Variants in SCD5 observed in about 807,000 individuals in gnomAD.
The protein encoded by SCD5 is stearoyl-CoA desaturase 5, also known as acyl-CoA-desaturase 4.
In SCD5, 20 loss-of-function variants were observed where a neutral mutation model predicts 30.4. The observed-to-expected ratio is 0.66, with a 90% CI of 0.46 to 0.96. SCD5 has a LOEUF of 0.96. Ranked by LOEUF, SCD5 falls within the 40% of genes least tolerant of loss-of-function variation. The probability of loss-of-function intolerance (pLI) is 0.00; values close to 1 mark genes in which losing one functional copy is unlikely to be tolerated. For missense variants in SCD5, 381 were observed against 443.3 expected (o/e 0.86, Z 1.26); for synonymous variants, 173 against 176.4 (o/e 0.98, Z 0.16).
chr4:82,673,329 C>T (rs1367294871), intron 3 of SCD5, among the ~76,000 whole-genome samples: 2 of 152,080 alleles, frequency 1.3e-5, no homozygotes, highest in Non-Finnish European at 2.9e-5. Flanking sequence ...TTGCCAGATA[C>T]AAGGTTAATA....
At chr4:82,656,515 G>C (rs568369868) in intron 3 of SCD5, among the ~76,000 whole-genome samples, 1 of 152,260 alleles carries the variant, frequency 6.6e-6, no homozygotes, top group South Asian at 2.1e-4. Flanking sequence ...GGGCATTTGG[G>C]TTGGTTCCAA....
In SCD5 at chr4:82,631,207, T is replaced by C. The variant is rs977317374; in HGVS notation, c.*120A>G. 1.7e-5 allele frequency: 12 copies of C among 718,908 alleles called. No individual in the cohort carries two copies. The highest frequency in any genetic ancestry group is 6.6e-5 in the Admixed American group (2 of 30,496). 44.5% of individuals were successfully genotyped at this position (718,908 alleles called of 1,614,324 possible). On this transcript the variant is annotated 3_prime_UTR_variant, in exon 5 of 5. Coordinates refer to ENST00000319540, the MANE Select transcript of SCD5 (RefSeq NM_001037582.3). ...TAAACAAAAACATTCCCAAACCACA[T>C]TGACTCGTTCCTTCCCCACCCTCTG...
intron 1 of SCD5, among the ~76,000 whole-genome samples, chr4:82,770,550 G>A (rs1440599268): frequency 6.6e-6 from 1 of 152,172 alleles, no homozygotes; most frequent in Non-Finnish European, 1.5e-5. Flanking sequence ...CAGCCCACTT[G>A]TATTTTATTT....
chr4:82,757,400 C>G (rs1445985988), intron 1 of SCD5, among the ~76,000 whole-genome samples: 1 of 152,130 alleles, frequency 6.6e-6, no homozygotes, highest in Admixed American at 6.5e-5. Flanking sequence ...ACCCTGTGGG[C>G]CTTAAGGGTG....
intron 3 of SCD5, among the ~76,000 whole-genome samples, chr4:82,645,114 G>A (rs1485217681): frequency 3.3e-5 from 5 of 152,210 alleles, no homozygotes; most frequent in Admixed American, 3.3e-4. Flanking sequence ...AGGAGTTCAA[G>A]AGCAGCCTGG....
intron 1 of SCD5, among the ~76,000 whole-genome samples, chr4:82,753,907 A>G (rs1236037039): frequency 6.6e-6 from 1 of 152,154 alleles, no homozygotes; most frequent in African/African-American, 2.4e-5. Context: ...TCCTGATGAG[A>G]AAGCCTCGTT....
chr4:82,746,654 A>T (rs1422455421), intron 1 of SCD5, among the ~76,000 whole-genome samples: 1 of 152,132 alleles, frequency 6.6e-6, no homozygotes, highest in East Asian at 1.9e-4. Context: ...GACAAGGTAA[A>T]GGCAAGAGAC....
At chr4:82,738,103 G>A (rs886094523) in intron 1 of SCD5, among the ~76,000 whole-genome samples, 1 of 152,004 alleles carries the variant, frequency 6.6e-6, no homozygotes, top group Non-Finnish European at 1.5e-5. Flanking sequence ...GATAAAAAAA[G>A]AACCAAAAGA....
chr4:82,792,427 T>C (rs1317206415), intron 1 of SCD5, among the ~76,000 whole-genome samples: 1 of 152,062 alleles, frequency 6.6e-6, no homozygotes, highest in Non-Finnish European at 1.5e-5. Flanking sequence ...GCATATGCCC[T>C]ATCCAGGCAC....
chr4:82,786,651 G>C (rs939054195), intron 1 of SCD5, among the ~76,000 whole-genome samples: 2 of 151,950 alleles, frequency 1.3e-5, no homozygotes, highest in African/African-American at 4.8e-5. Flanking sequence ...AATTAGCTCG[G>C]CATGGTGGTG....
chr4:82,780,063 A>G (rs1448132286), intron 1 of SCD5, among the ~76,000 whole-genome samples: 2 of 152,260 alleles, frequency 1.3e-5, no homozygotes, highest in African/African-American at 4.8e-5. Flanking sequence ...TAAAAGAGTT[A>G]TAATACAGGA....
Position 82,798,605 on chromosome 4 carries a change from G to T in SCD5, c.-68C>A. On this transcript the variant is annotated 5_prime_UTR_variant, in exon 1 of 5. Transcript: ENST00000319540. Reference sequence around the variant, plus strand: ...GCGCTCTGCCCGAGCGGAGCTCGAGGGTGGGGGCGGGGGCTTCTGCCTTTT... The same window carrying T: ...GCGCTCTGCCCGAGCGGAGCTCGAGTGTGGGGGCGGGGGCTTCTGCCTTTT... 1 of 1,379,798 alleles carries T rather than the reference G, an allele frequency of 7.2e-7. No individual in the cohort carries two copies. Among genetic ancestry groups the T allele is most frequent in the Non-Finnish European group, 9.7e-7 (1 of 1,032,108 alleles). The allele number at this position is 1,379,798 out of a possible 1,614,324, so 85.5% of individuals were successfully genotyped here.
intron 1 of SCD5, among the ~76,000 whole-genome samples, chr4:82,731,162 G>A (rs1720636270): frequency 6.6e-6 from 1 of 152,154 alleles, no homozygotes; most frequent in African/African-American, 2.4e-5. Context: ...CTGGGGGTAG[G>A]GGCAGAGAGG....
chr4:82,642,009 TATC>T (rs1727556325), intron 3 of SCD5, among the ~76,000 whole-genome samples: 2 of 152,064 alleles, frequency 1.3e-5, no homozygotes, highest in African/African-American at 4.8e-5. Context: ...AGGTAGAGGA[TATC>T]AACATATAGG....
intron 3 of SCD5, among the ~76,000 whole-genome samples, chr4:82,653,723 G>A (rs62313589): frequency 7.3e-5 from 11 of 150,384 alleles, no homozygotes; most frequent in Non-Finnish European, 1.3e-4. Context: ...TAGATAGATA[G>A]ATATAGATAG....
At chr4:82,664,999 C>CTCTCTCTCTCTCTA (rs1219554314) in intron 3 of SCD5, among the ~76,000 whole-genome samples, 29 of 70,488 alleles carry the variant, frequency 4.1e-4, no homozygotes, top group South Asian at 1.5e-3. Flanking sequence ...CTCTCTCTCT[C>CTCTCTCTCTCTCTA]TATATATATA....
At chr4:82,716,736 C>T (rs1278103243) in intron 1 of SCD5, among the ~76,000 whole-genome samples, 1 of 151,700 alleles carries the variant, frequency 6.6e-6, no homozygotes, top group Non-Finnish European at 1.5e-5. Flanking sequence ...ATCACTTGTA[C>T]CTGAGAGGCA....
At chr4:82,797,847 C>T (rs1578073000) in intron 1 of SCD5, among the ~76,000 whole-genome samples, 1 of 152,272 alleles carries the variant, frequency 6.6e-6, no homozygotes, top group East Asian at 1.9e-4. Flanking sequence ...TCATCTCTGT[C>T]CCCAAGGTCC....
chr4:82,705,350 T>G lies in SCD5; in HGVS notation c.296A>C (p.His99Pro). The G allele has an allele frequency of 1.9e-6, 3 of 1,614,204 alleles. No individual in the cohort carries two copies. Among genetic ancestry groups the G allele is most frequent in the Non-Finnish European group, 1.7e-6 (2 of 1,180,040 alleles). ...VTAGAHRLWS[H>P]RSYRAKLPLR... ...AGGCAGCTTGGCCCGGTAGGACCTG[T>G]GGCTCCACAAGCGATGGGCACCAGC... is the stretch of plus-strand genomic sequence containing the variant. Residue 99 changes from histidine (H) to proline (P), a missense_variant, in exon 2 of 5, where the codon CAC becomes CCC. His to Pro is a moderately conservative substitution (Grantham distance 77). Transcript: ENST00000319540.
Sources: gnomAD v4.1 joint callset for allele counts (sites outside exome capture counted in the v4.1 genomes callset) on GRCh38, gnomAD v4.1.1 for gene constraint, MANE v1.5 for transcripts, NCBI Gene and HGNC (gene_info 2026-07-23, HGNC 2026-07-21) for gene names.